The following ME2 variants were observed in gnomAD, a reference collection of about 807,000 sequenced individuals.
The protein encoded by ME2 is NAD-dependent malic enzyme, mitochondrial.
Under a neutral mutation model 73.7 loss-of-function variants are expected in ME2, and 60 were observed. The observed-to-expected ratio is 0.81, with a 90% CI of 0.66 to 1.01. The LOEUF (loss-of-function observed/expected upper bound fraction) is 1.01. Ranked by LOEUF, ME2 falls within the 50% of genes least tolerant of loss-of-function variation. ME2 has a pLI of 0.00. For missense variants in ME2, 594 were observed against 705.5 expected (o/e 0.84, Z 1.79); for synonymous variants, 199 against 236.9 (o/e 0.84, Z 1.47).
intron 11 of ME2, 101 bp downstream of exon 11, chr18:50,924,313 T>A: frequency 1.3e-6 from 1 of 758,746 alleles, no homozygotes; most frequent in Non-Finnish European, 2.2e-6. Flanking sequence ...CAGTTTTACC[T>A]AGCTTTCAGC....
intron 1 of ME2, among the ~76,000 whole-genome samples, chr18:50,893,996 A>G (rs1916671113): frequency 6.6e-6 from 1 of 152,216 alleles, no homozygotes. Context: ...AATTACATCT[A>G]TGACTATTTA....
At chr18:50,933,143 T>G (rs1917738539) in intron 13 of ME2, 1 of 152,244 alleles carries the variant, frequency 6.6e-6, no homozygotes, top group Non-Finnish European at 1.5e-5. Context: ...TCATTGAGCT[T>G]TTTCTGGAGA....
In ME2 at chr18:50,949,425, C is replaced by A. The variant is rs117042409; in HGVS notation, c.*2241C>A. On this transcript the variant is annotated 3_prime_UTR_variant, in exon 16 of 16. Transcript: ENST00000321341. ...CATAGAGCACTGCAGCCTGGAACTC[C>A]TGGGTTCAAGCTCTCCTCCTGCCTC... 0.018 allele frequency: 2,742 copies of A among 152,312 alleles called. 39 individuals carry two copies. Among genetic ancestry groups the A allele is most frequent in the Non-Finnish European group, 0.029 (1,958 of 68,058 alleles). 9.4% of individuals were successfully genotyped at this position (152,312 alleles called of 1,614,324 possible).
At chr18:50,934,600 A>G (rs2144260002) in intron 13 of ME2, 1 of 152,292 alleles carries the variant, frequency 6.6e-6, no homozygotes. Flanking sequence ...GTGAGCCATC[A>G]TCATGCCAGT....
intron 12 of ME2, among the ~76,000 whole-genome samples, chr18:50,927,729 T>TATATATATATATATATATATATATAC (rs1279520043): frequency 8.0e-6 from 1 of 124,396 alleles, no homozygotes; most frequent in Non-Finnish European, 1.6e-5. Context: ...ACCATATATA[T>TATATATATATATATATATATATATAC]ATATATATAT....
At chr18:50,890,983 T>C (rs1264178231) in intron 1 of ME2, among the ~76,000 whole-genome samples, 1 of 152,192 alleles carries the variant, frequency 6.6e-6, no homozygotes, top group African/African-American at 2.4e-5. Flanking sequence ...GATAAACGTA[T>C]GTACCTGGGC....
chr18:50,880,970 T>C (rs1916306519), intron 1 of ME2, among the ~76,000 whole-genome samples: 1 of 152,240 alleles, frequency 6.6e-6, no homozygotes, highest in Non-Finnish European at 1.5e-5. Flanking sequence ...TATGTATGTA[T>C]AATCTGTATA....
At chr18:50,938,688 A>T (rs1917871388) in intron 13 of ME2, among the ~76,000 whole-genome samples, 1 of 152,214 alleles carries the variant, frequency 6.6e-6, no homozygotes. Context: ...CTTAGAAAGA[A>T]GCAAAGAGGC....
rs180893256 is a variant in ME2, at chr18:50,905,079, C to T, written c.109-2984C>T. 2.4e-4 allele frequency among the ~76,000 whole-genome samples: 36 copies of T among 152,100 alleles called. No individual in the cohort carries two copies. The East Asian group carries it at 2.7e-3, about 11-fold the overall frequency. On this transcript the variant is annotated intron_variant, in intron 2 of 15. Coordinates refer to ENST00000321341, the MANE Select transcript of ME2 (RefSeq NM_002396.5). ...TTGGCTCACTGCAGCCTCCGCCTCCCGGGTTCAAGCAATTCTCCTGCCTCA... is the reference window on the plus strand; with the variant it reads ...TTGGCTCACTGCAGCCTCCGCCTCCTGGGTTCAAGCAATTCTCCTGCCTCA...
At chr18:50,902,644 G>A (rs1022514351) in intron 2 of ME2, among the ~76,000 whole-genome samples, 1 of 152,112 alleles carries the variant, frequency 6.6e-6, no homozygotes, top group Non-Finnish European at 1.5e-5. Context: ...TGATCCACTC[G>A]CCTCAGCCTC....
At chr18:50,908,039 A>T in intron 2 of ME2, 24 bp from the exon 3 acceptor site, 1 of 1,494,744 alleles carries the variant, frequency 6.7e-7, no homozygotes, top group Non-Finnish European at 9.0e-7. Context: ...AATAATTTTT[A>T]ATCCTTTTAT....
At chr18:50,923,980 A>G (rs1348384790) in intron 10 of ME2, 118 bp from the exon 11 acceptor site, 2 of 625,742 alleles carry the variant, frequency 3.2e-6, no homozygotes, top group African/African-American at 1.9e-5. Flanking sequence ...AGGAAAGTAA[A>G]TGAAAATGAA....
At chr18:50,922,638 A>G (rs1917455942) in intron 10 of ME2, among the ~76,000 whole-genome samples, 1 of 152,230 alleles carries the variant, frequency 6.6e-6, no homozygotes, top group South Asian at 2.1e-4. Flanking sequence ...ATTGGTAGCT[A>G]CAATGTGTTT....
At chr18:50,938,171 T>TA (rs939293971) in intron 13 of ME2, among the ~76,000 whole-genome samples, 5 of 151,850 alleles carry the variant, frequency 3.3e-5, no homozygotes, top group African/African-American at 7.2e-5. Context: ...CTACAAAAAA[T>TA]AAAAAAATTA....
Position 50,939,656 on chromosome 18 carries a change from G to A in ME2, c.1488+16G>A. On this transcript the variant is annotated intron_variant, in intron 14 of 15. Transcript: ENST00000321341. The stretch of plus-strand genomic sequence containing the variant: ...AGCTGCAAAGGTAAATGTTTTAAAT[G>A]TTGTTTATTTTATAAAGGATGAATT... The A allele has an allele frequency of 6.5e-7, 1 of 1,547,482 alleles. No individual in the cohort carries two copies.
intron 2 of ME2, among the ~76,000 whole-genome samples, chr18:50,899,050 C>A (rs1405097016): frequency 6.6e-6 from 1 of 152,192 alleles, no homozygotes; most frequent in African/African-American, 2.4e-5. Flanking sequence ...GCAAGTGAAT[C>A]TTCATCTGTA....
intron 13 of ME2, among the ~76,000 whole-genome samples, chr18:50,936,895 C>T (rs781117202): frequency 6.6e-6 from 1 of 152,028 alleles, no homozygotes; most frequent in African/African-American, 2.4e-5. Context: ...CGTGCCACAG[C>T]ACTGTAGCCT....
At chr18:50,894,536 C>G (rs1340743729) in intron 1 of ME2, among the ~76,000 whole-genome samples, 1 of 145,958 alleles carries the variant, frequency 6.9e-6, no homozygotes, top group African/African-American at 2.6e-5. Context: ...CCGTTGCACT[C>G]CAGCCTGGGT....
At chr18:50,918,261 G>T in intron 7 of ME2, 48 bp downstream of exon 7, 1 of 1,304,950 alleles carries the variant, frequency 7.7e-7, no homozygotes, top group African/African-American at 1.5e-5. Context: ...AATGGGGTGG[G>T]TGGGGTAAGA....
Sources: allele counts gnomAD v4.1 joint callset (sites outside exome capture counted in the v4.1 genomes callset), GRCh38; gene constraint gnomAD v4.1.1; transcripts MANE v1.5; gene names NCBI Gene and HGNC (gene_info 2026-07-23, HGNC 2026-07-21).